TLL1: variants seen among roughly 807,000 people sequenced by gnomAD.
TLL1 encodes tolloid-like protein 1.
A neutral mutation model predicts 128.2 loss-of-function variants in TLL1; 49 were observed. The ratio of observed to expected loss-of-function variants is 0.38; its 90% CI spans 0.30 to 0.48. The LOEUF (loss-of-function observed/expected upper bound fraction) is 0.48. TLL1 is among the 20% of genes least tolerant of loss of function. The probability of loss-of-function intolerance (pLI) is 0.96; values close to 1 mark genes in which losing one functional copy is unlikely to be tolerated. For missense variants in TLL1, 1,123 were observed against 1,242.0 expected (o/e 0.90, Z 1.44); for synonymous variants, 454 against 418.8 (o/e 1.08, Z -1.03).
In TLL1 at chr4:166,042,112, G is replaced by A. The variant is rs1046165531; in HGVS notation, c.1347G>A (p.Trp449Ter). ...MWIEFRSSSN[W>*]VGKGFAAVYE... is the part of the protein sequence containing the mutation. ...TTGAGTTTCGTAGCAGCAGTAATTG[G>A]GTAGGAAAAGGCTTTGCAGCTGTCT... The change falls in exon 11 of 21, where the codon TGG becomes TGA. Residue 449 changes from tryptophan (W) to a stop codon, truncating the protein, a stop_gained. Transcript: ENST00000061240. LOFTEE classifies it high-confidence loss of function. The A allele has an allele frequency of 6.2e-7, 1 of 1,611,860 alleles. No homozygotes were observed. Among genetic ancestry groups the A allele is most frequent in the Non-Finnish European group, 8.5e-7 (1 of 1,178,294 alleles).
At chr4:165,912,750 T>C (rs940263968) in intron 1 of TLL1, among the ~76,000 whole-genome samples, 9 of 152,210 alleles carry the variant, frequency 5.9e-5, no homozygotes, top group Non-Finnish European at 1.3e-4. Flanking sequence ...GGAACTTTTT[T>C]ATTGAGAGAT....
intron 1 of TLL1, among the ~76,000 whole-genome samples, chr4:165,977,816 G>T (rs1735958105): frequency 6.6e-6 from 1 of 152,100 alleles, no homozygotes; most frequent in Admixed American, 6.5e-5. Flanking sequence ...TCACAAAAGA[G>T]GAAGGATTCC....
Position 165,979,239 on chromosome 4 carries a change from T to C in TLL1, c.170-10142T>C, listed in dbSNP as rs367970085. Among the ~76,000 whole-genome samples, 15 of 152,276 alleles carry C rather than the reference T, an allele frequency of 9.9e-5. No homozygotes were observed. In the East Asian group the frequency reaches 2.9e-3, roughly 29 times the overall value. The stretch of plus-strand genomic sequence containing the variant: ...GCAATACATGGTGTTTACTAGAGCA[T>C]TGTTTGTATTAGGGAAAAGTTTGAT... On this transcript the variant is annotated intron_variant, in intron 1 of 20. Transcript: ENST00000061240.
chr4:166,003,049 A>G (rs2111033240), intron 5 of TLL1, among the ~76,000 whole-genome samples: 1 of 152,328 alleles, frequency 6.6e-6, no homozygotes, highest in Middle Eastern at 3.4e-3. Context: ...GCTTAACTAT[A>G]TGTCTTAGAA....
intron 7 of TLL1, among the ~76,000 whole-genome samples, chr4:166,013,613 C>G (rs1023650777): frequency 2.6e-5 from 4 of 151,726 alleles, no homozygotes; most frequent in African/African-American, 4.8e-5. Flanking sequence ...TTGGAATAGC[C>G]TCCCAGTTCA....
At chr4:165,913,737 G>A (rs1198892774) in intron 1 of TLL1, among the ~76,000 whole-genome samples, 1 of 152,124 alleles carries the variant, frequency 6.6e-6, no homozygotes, top group Admixed American at 6.5e-5. Context: ...GTGTAGGCTG[G>A]GCACCGTGGT....
At chr4:166,047,868 T>C (rs1227418611) in intron 12 of TLL1, among the ~76,000 whole-genome samples, 1 of 152,102 alleles carries the variant, frequency 6.6e-6, no homozygotes, top group Non-Finnish European at 1.5e-5. Context: ...AAGGTGATGG[T>C]ATTAGCAGTG....
intron 1 of TLL1, among the ~76,000 whole-genome samples, chr4:165,888,675 T>G (rs539342243): frequency 2.0e-5 from 3 of 152,292 alleles, no homozygotes; most frequent in Non-Finnish European, 2.9e-5. Flanking sequence ...ATTTTGGGTA[T>G]GGTTCTTGCT....
At chr4:166,083,626 T>A (rs1205606838) in intron 18 of TLL1, among the ~76,000 whole-genome samples, 1 of 123,264 alleles carries the variant, frequency 8.1e-6, no homozygotes, top group Admixed American at 9.7e-5. Flanking sequence ...CACATGTAAG[T>A]GTGACCATGT....
chr4:165,935,957 G>T (rs1381328498), intron 1 of TLL1, among the ~76,000 whole-genome samples: 1 of 151,370 alleles, frequency 6.6e-6, no homozygotes, highest in African/African-American at 2.4e-5. Context: ...AATCAGAGTT[G>T]AGTTAATCTC....
chr4:165,885,738 A>T (rs1381632041), intron 1 of TLL1, among the ~76,000 whole-genome samples: 1 of 152,060 alleles, frequency 6.6e-6, no homozygotes, highest in Admixed American at 6.6e-5. Context: ...AAAAAAATGG[A>T]TTGGTATATT....
Position 166,104,040 on chromosome 4 carries a change from A to G in TLL1, c.*3164A>G, listed in dbSNP as rs1742406487. The G allele has an allele frequency of 6.6e-6, 1 of 151,864 alleles. No individual in the cohort carries two copies. Among genetic ancestry groups the G allele is most frequent in the African/African-American group, 2.4e-5 (1 of 41,386 alleles). The allele number at this position is 151,864 out of a possible 1,614,324, so 9.4% of individuals were successfully genotyped here. A position where few individuals can be genotyped will look rare whatever the true frequency, so the allele number is the denominator to read the frequency against. On this transcript the variant is annotated 3_prime_UTR_variant, in exon 21 of 21. Transcript: ENST00000061240. ...TTCCTATACTGGCTGGATTTTTGCT[A>G]CCTGTCGCTCATTTTAATATGTCAC...
intron 9 of TLL1, among the ~76,000 whole-genome samples, chr4:166,036,789 CTGTG>C (rs3047083): frequency 0.031 from 4,465 of 144,990 alleles, 70 homozygotes; most frequent in East Asian, 0.086. Context: ...CCCTATCCAA[CTGTG>C]TGTGTGTGTG....
chr4:165,934,367 A>G (rs1050108316), intron 1 of TLL1, among the ~76,000 whole-genome samples: 3 of 151,978 alleles, frequency 2.0e-5, no homozygotes, highest in Non-Finnish European at 4.4e-5. Context: ...TTTTTATGAC[A>G]TAAAAAATAA....
chr4:166,052,950 G>T (rs1490075944), intron 12 of TLL1, among the ~76,000 whole-genome samples: 5 of 58,600 alleles, frequency 8.5e-5, no homozygotes, highest in African/African-American at 4.3e-4. Flanking sequence ...TAAAGACTGA[G>T]ATAAGAGGTT....
intron 6 of TLL1, among the ~76,000 whole-genome samples, chr4:166,005,546 G>A (rs569315579): frequency 6.6e-6 from 1 of 151,636 alleles, no homozygotes; most frequent in South Asian, 2.1e-4. Context: ...TGATCTGTAG[G>A]GTTAGATATC....
chr4:165,937,519 A>G (rs1733819078), intron 1 of TLL1, among the ~76,000 whole-genome samples: 1 of 152,190 alleles, frequency 6.6e-6, no homozygotes, highest in African/African-American at 2.4e-5. Context: ...GTCAGAGCTT[A>G]TAGCTGTCAC....
intron 1 of TLL1, among the ~76,000 whole-genome samples, chr4:165,932,118 G>A (rs763212413): frequency 2.0e-5 from 3 of 152,116 alleles, no homozygotes; most frequent in Non-Finnish European, 4.4e-5. Flanking sequence ...ATAAAAAGAG[G>A]TGAGAAGCAA....
intron 1 of TLL1, among the ~76,000 whole-genome samples, chr4:165,920,938 A>G (rs766547554): frequency 3.3e-5 from 5 of 152,232 alleles, no homozygotes; most frequent in Non-Finnish European, 5.9e-5. Flanking sequence ...AGCAATGAAT[A>G]TTATACAAAC....
Sources: gnomAD v4.1 joint callset for allele counts (sites outside exome capture counted in the v4.1 genomes callset) on GRCh38, gnomAD v4.1.1 for gene constraint, MANE v1.5 for transcripts, NCBI Gene and HGNC (gene_info 2026-07-23, HGNC 2026-07-21) for gene names.